The following ATP9A variants were observed in gnomAD, a reference collection of about 807,000 sequenced individuals.
The protein encoded by ATP9A is ATPase phospholipid transporting 9A.
In ATP9A, 52 loss-of-function variants were observed where a neutral mutation model predicts 144.1. That is an observed-to-expected ratio of 0.36 (90% CI 0.29 to 0.45). The LOEUF is 0.45. Among genes scored for constraint, ATP9A ranks in the 20% least tolerant of loss-of-function variants. The pLI is 1.00. For missense variants in ATP9A, 947 were observed against 1,392.7 expected, an observed-to-expected ratio of 0.68 and a Z score of 5.09; for synonymous variants, 582 against 557.4, an observed-to-expected ratio of 1.04 and a Z score of -0.62.
chr20:51,626,656 C>T (rs1160919590), intron 17 of ATP9A, among the ~76,000 whole-genome samples: 1 of 136,310 alleles, frequency 7.3e-6, no homozygotes, highest in African/African-American at 2.7e-5. Context: ...AATAAATGTG[C>T]AAAAAAAAAA....
chr20:51,647,916 C>T (rs977484773), intron 14 of ATP9A, among the ~76,000 whole-genome samples: 2 of 152,210 alleles, frequency 1.3e-5, no homozygotes, highest in Non-Finnish European at 2.9e-5. Flanking sequence ...ACAGCCCCCG[C>T]TGTCTTCTTC....
intron 13 of ATP9A, among the ~76,000 whole-genome samples, chr20:51,662,441 A>G (rs1393026562): frequency 6.6e-6 from 1 of 151,860 alleles, no homozygotes. Flanking sequence ...GCTACTCGGC[A>G]GGCTGAGGCA....
chr20:51,718,571 A>G (rs911641736), intron 3 of ATP9A, among the ~76,000 whole-genome samples: 1 of 151,930 alleles, frequency 6.6e-6, no homozygotes, highest in Non-Finnish European at 1.5e-5. Flanking sequence ...TAATCCCAGC[A>G]CTTTGGGAGG....
intron 9 of ATP9A, among the ~76,000 whole-genome samples, chr20:51,684,977 C>T (rs2077516331): frequency 1.3e-5 from 2 of 150,540 alleles, no homozygotes; most frequent in South Asian, 2.1e-4. Context: ...TGCCACTGAC[C>T]TCTAGCCCGG....
At position 51,610,046 on chromosome 20, in the gene ATP9A, G is replaced by A. The variant is rs2077179055; in HGVS notation, c.2636+55C>T. 5.5e-6 allele frequency: 8 copies of A among 1,464,150 alleles called. No individual in the cohort carries two copies. The Admixed American group carries it at 6.9e-5, about 13-fold the overall frequency. 90.7% of individuals were successfully genotyped at this position (1,464,150 alleles called of 1,614,324 possible). On this transcript the variant is annotated intron_variant, in intron 24 of 27. Transcript: ENST00000338821. The stretch of plus-strand genomic sequence containing the variant: ...TTCCACCACGTTTCTTCTCTCTGTT[G>A]CAGCATTTGAAGAAGGTTTTGTAAA...
At chr20:51,766,767 G>A (rs2077905854) in intron 1 of ATP9A, among the ~76,000 whole-genome samples, 2 of 152,052 alleles carry the variant, frequency 1.3e-5, no homozygotes, top group South Asian at 4.1e-4. Flanking sequence ...TTGAACCCGG[G>A]AGGCGGAGGT....
chr20:51,706,539 T>C lies in ATP9A; in HGVS notation c.436+6427A>G, dbSNP rs149768210. Among the ~76,000 whole-genome samples, 885 of 152,336 alleles carry C rather than the reference T, an allele frequency of 5.8e-3. 13 individuals carry two copies. The highest frequency in any genetic ancestry group is 0.02 in the African/African-American group (840 of 41,580). ...ACTTTGGGAAGCCAAGGCAGGAGGATTGCTTGAGCCCAGGAGTTCGAGACT... is the reference window on the plus strand; with the variant it reads ...ACTTTGGGAAGCCAAGGCAGGAGGACTGCTTGAGCCCAGGAGTTCGAGACT... On this transcript the variant is annotated intron_variant, in intron 4 of 27. Transcript: ENST00000338821.
intron 7 of ATP9A, among the ~76,000 whole-genome samples, chr20:51,691,788 G>A (rs1160893872): frequency 6.6e-6 from 1 of 152,170 alleles, no homozygotes; most frequent in Admixed American, 6.5e-5. Context: ...GTGATCATCT[G>A]TCCACCCATG....
At chr20:51,650,542 A>T (rs1281914775) in intron 14 of ATP9A, among the ~76,000 whole-genome samples, 2 of 150,934 alleles carry the variant, frequency 1.3e-5, no homozygotes, top group East Asian at 1.9e-4. Flanking sequence ...TCAAAAAAAA[A>T]AATAAAAAAT....
chr20:51,643,342 A>G (rs897197637), intron 14 of ATP9A, among the ~76,000 whole-genome samples: 1 of 151,620 alleles, frequency 6.6e-6, no homozygotes, highest in Non-Finnish European at 1.5e-5. Flanking sequence ...GTCTTTGAAA[A>G]CTCATTCACT....
Position 51,625,229 on chromosome 20 carries a change from C to T in ATP9A, c.1979G>A (p.Arg660Gln), listed in dbSNP as rs1213480994. 1.2e-6 allele frequency: 2 copies of T among 1,613,908 alleles called. No individual in the cohort carries two copies. Among genetic ancestry groups the T allele is most frequent in the South Asian group, 1.1e-5 (1 of 91,070 alleles). Residue 660 changes from arginine (R) to glutamine (Q), a missense_variant, in exon 18 of 28, where the codon CGG becomes CAG. Transcript: ENST00000338821. ...ATTCCTCAGGGTCTCCAGCGTGGGC[C>T]GCACATCTGCCTGCAGCTGGTCCTC... is the stretch of plus-strand genomic sequence containing the variant. ...GVEDQLQADV[R>Q]PTLETLRNAG...
intron 25 of ATP9A, 134 bp from the exon 26 acceptor site, chr20:51,607,718 AC>A: frequency 1.5e-6 from 1 of 650,240 alleles, no homozygotes; most frequent in South Asian, 1.9e-5. Flanking sequence ...TGGCTCGCAC[AC>A]ATCTGAACAC....
chr20:51,753,658 TTTTC>T (rs1186540156), intron 1 of ATP9A, among the ~76,000 whole-genome samples: 38 of 145,648 alleles, frequency 2.6e-4, no homozygotes, highest in African/African-American at 6.9e-4. Flanking sequence ...TCATTTTTCT[TTTTC>T]TTTCTTTTTT....
At chr20:51,661,362 A>G (rs1049005827) in intron 13 of ATP9A, among the ~76,000 whole-genome samples, 2 of 134,172 alleles carry the variant, frequency 1.5e-5, no homozygotes, top group Non-Finnish European at 3.2e-5. Flanking sequence ...ATTGACTGAA[A>G]TACACTTTTT....
chr20:51,607,014 G>C (rs1026322302), intron 26 of ATP9A, among the ~76,000 whole-genome samples: 10 of 150,830 alleles, frequency 6.6e-5, no homozygotes, highest in Non-Finnish European at 1.2e-4. Context: ...GCTTTGCCCT[G>C]TGTCTCAAAA....
chr20:51,657,171 CAAGG>C, intron 13 of ATP9A, 21 bp from the exon 14 acceptor site: 1 of 1,594,388 alleles, frequency 6.3e-7, no homozygotes, highest in Non-Finnish European at 8.6e-7. Flanking sequence ...GAGAAATGAA[CAAGG>C]AAGATGACCA....
At chr20:51,763,463 C>T (rs762014684) in intron 1 of ATP9A, among the ~76,000 whole-genome samples, 75 of 151,814 alleles carry the variant, frequency 4.9e-4, no homozygotes, top group Non-Finnish European at 4.6e-4. Context: ...CAAGTGCCCG[C>T]CACCACACCC....
At chr20:51,643,415 T>C (rs940454426) in intron 14 of ATP9A, among the ~76,000 whole-genome samples, 2 of 152,222 alleles carry the variant, frequency 1.3e-5, no homozygotes, top group Non-Finnish European at 1.5e-5. Context: ...AAAATTCATA[T>C]GTTGAAACCT....
chr20:51,752,894 G>A (rs749907270), intron 1 of ATP9A, among the ~76,000 whole-genome samples: 1 of 152,166 alleles, frequency 6.6e-6, no homozygotes, highest in African/African-American at 2.4e-5. Flanking sequence ...CCTGAGGCTG[G>A]GAGTTCGAGG....
Sources: gnomAD v4.1 joint callset for allele counts (sites outside exome capture counted in the v4.1 genomes callset) on GRCh38, gnomAD v4.1.1 for gene constraint, MANE v1.5 for transcripts, NCBI Gene and HGNC (gene_info 2026-07-23, HGNC 2026-07-21) for gene names.